RNF19A: variants seen among roughly 807,000 people sequenced by gnomAD.
RNF19A encodes E3 ubiquitin-protein ligase RNF19A.
A neutral mutation model predicts 75.7 loss-of-function variants in RNF19A; 32 were observed. That is an observed-to-expected ratio of 0.42 (90% confidence interval 0.32 to 0.57). RNF19A has a LOEUF of 0.57. Ranked by LOEUF, RNF19A falls within the 20% of genes least tolerant of loss-of-function variation. RNF19A has a pLI of 0.10. For synonymous variants in RNF19A, 335 were observed against 345.2 expected (o/e 0.97, Z 0.33); for missense variants, 782 against 1,036.3 (o/e 0.75, Z 3.37).
Position 100,284,736 on chromosome 8 carries a change from G to A in RNF19A, c.674+2765C>T, listed in dbSNP as rs186804523. Reference sequence around the variant, plus strand: ...AGAAAATGTGCCAAAATATCCCAAAGTATGAGTTTCTGATTATTTTTATTA... The same window carrying A: ...AGAAAATGTGCCAAAATATCCCAAAATATGAGTTTCTGATTATTTTTATTA... On this transcript the variant is annotated intron_variant, in intron 2 of 9. Transcript: ENST00000341084. This position sits in a 1 kb window ranked among gnomAD's most constrained non-coding sequence, Gnocchi z 4.3. 2.6e-5 allele frequency among the ~76,000 whole-genome samples: 4 copies of A among 152,088 alleles called. No individual in the cohort carries two copies. The highest frequency in any genetic ancestry group is 9.6e-5 in the African/African-American group (4 of 41,518).
intron 3 of RNF19A, among the ~76,000 whole-genome samples, chr8:100,273,066 C>T (rs919605037): frequency 5.3e-5 from 8 of 151,736 alleles, no homozygotes; most frequent in African/African-American, 1.7e-4. Flanking sequence ...GGAGTCTCGC[C>T]ACATTGCCTA....
intron 1 of RNF19A, among the ~76,000 whole-genome samples, chr8:100,298,107 G>T (rs1190843560): frequency 6.6e-6 from 1 of 151,528 alleles, no homozygotes. Context: ...TCAGTGAAGG[G>T]TATGGTACAT....
chr8:100,268,063 G>T (rs578111808), intron 5 of RNF19A, among the ~76,000 whole-genome samples: 4 of 151,694 alleles, frequency 2.6e-5, no homozygotes, highest in Non-Finnish European at 5.9e-5. Flanking sequence ...TTTAAAAAAA[G>T]TTTTAATTTT....
chr8:100,313,334 T>G (rs1822328110), upstream of RNF19A: 1 of 983,324 alleles, frequency 1.0e-6, no homozygotes, highest in South Asian at 4.7e-5. Flanking sequence ...GTTTGGTCTC[T>G]CAAACTAACG....
intron 7 of RNF19A, among the ~76,000 whole-genome samples, chr8:100,263,705 T>C (rs531258667): frequency 2.0e-5 from 3 of 152,360 alleles, no homozygotes; most frequent in Admixed American, 2.0e-4. Flanking sequence ...TTTTGTATTA[T>C]TGGTCATCCG....
rs1819850649 is a variant in RNF19A, at chr8:100,264,005, C to T, written c.1468+29G>A. The T allele has an allele frequency of 1.3e-6, 2 of 1,595,908 alleles. No homozygotes were observed. The highest frequency in any genetic ancestry group is 1.7e-6 in the Non-Finnish European group (2 of 1,168,692). On this transcript the variant is annotated intron_variant, in intron 7 of 9. Transcript: ENST00000341084. This position sits in a 1 kb window ranked among gnomAD's most constrained non-coding sequence, Gnocchi z 4.7. ...CCACTACTTACACTGTTAATAAGCA[C>T]ATTTTCTTCCTTTGCTTAAAGGACT... is the stretch of plus-strand genomic sequence containing the variant.
chr8:100,313,187 C>G (rs1822326212), upstream of RNF19A: 2 of 247,398 alleles, frequency 8.1e-6, no homozygotes, highest in Admixed American at 6.5e-5. Flanking sequence ...ATTACAGGCA[C>G]TGAGACTATA....
chr8:100,280,687 T>C (rs898687726), intron 2 of RNF19A, among the ~76,000 whole-genome samples: 5 of 152,262 alleles, frequency 3.3e-5, no homozygotes, highest in African/African-American at 9.6e-5. Flanking sequence ...CTAACACTTA[T>C]TGAGTGCTTC....
At chr8:100,265,307 G>A (rs1819919759) in intron 5 of RNF19A, among the ~76,000 whole-genome samples, 2 of 152,064 alleles carry the variant, frequency 1.3e-5, no homozygotes, top group African/African-American at 4.8e-5. Flanking sequence ...TTTTTATGAA[G>A]ACAATATTGA....
chr8:100,309,309 C>T, intron 1 of RNF19A: 1 of 985,610 alleles, frequency 1.0e-6, no homozygotes, highest in Non-Finnish European at 1.2e-6. Context: ...TTCCTCCGAA[C>T]ACAGCTCCCC....
At position 100,333,920 on chromosome 8, in the gene RNF19A, AG is replaced by A. The variant is rs1822642412; in HGVS notation, c.-243+2187del. ...GCATGATGTTTAAATTATTCAGTCTAGTACCCCGATATTCTAACTTTGGCCC... is the reference window on the plus strand; with the variant it reads ...GCATGATGTTTAAATTATTCAGTCTATACCCCGATATTCTAACTTTGGCCC... On this transcript the variant is annotated intron_variant, in intron 1 of 3. Coordinates refer to the RNF19A transcript ENST00000519527. This position sits in a 1 kb window ranked among gnomAD's most constrained non-coding sequence, Gnocchi z 4.7. Among the ~76,000 whole-genome samples, 1 of 152,234 alleles carries A rather than the reference AG, an allele frequency of 6.6e-6. No individual in the cohort carries two copies. The highest frequency in any genetic ancestry group is 1.5e-5 in the Non-Finnish European group (1 of 68,036).
At chr8:100,266,399 A>G (rs1374585150) in intron 5 of RNF19A, among the ~76,000 whole-genome samples, 3 of 152,246 alleles carry the variant, frequency 2.0e-5, no homozygotes, top group African/African-American at 7.2e-5. Context: ...CATGTGGTAC[A>G]ACAGTCTCTC....
In RNF19A at chr8:100,298,198, T is replaced by TAAAAAAA. The variant is rs35748790; in HGVS notation, c.-93-9938_-93-9932dup. On this transcript the variant is annotated intron_variant, in intron 1 of 9. Coordinates refer to ENST00000341084, the MANE Select transcript of RNF19A (RefSeq NM_183419.4). ...TACCTAAATTTACCATGTATTGGGT[T>TAAAAAAA]AAAAAAAAAAAAAACACTTATTACA... Among the ~76,000 whole-genome samples, 172 of 144,436 alleles carry TAAAAAAA rather than the reference T, an allele frequency of 1.2e-3. 1 individual carries two copies. The highest frequency in any genetic ancestry group is 4.1e-3 in the African/African-American group (161 of 39,172). 94.8% of individuals were successfully genotyped at this position (144,436 alleles called of 152,430 possible). A position where few individuals can be genotyped will look rare whatever the true frequency, so the allele number is the denominator to read the frequency against.
Position 100,331,397 on chromosome 8 carries a change from A to T in RNF19A, c.-243+4711T>A, listed in dbSNP as rs1822608386. On this transcript the variant is annotated intron_variant, in intron 1 of 3. Transcript: ENST00000519527. This position sits in a 1 kb window ranked among gnomAD's most constrained non-coding sequence, Gnocchi z 5.2. ...ATGCCTGTAATCCCAGTACTTTGGGAGGTCAAGGTGGGAGGACTGCTTGAG... is the reference window on the plus strand; with the variant it reads ...ATGCCTGTAATCCCAGTACTTTGGGTGGTCAAGGTGGGAGGACTGCTTGAG... 6.6e-6 allele frequency among the ~76,000 whole-genome samples: 1 copy of T among 152,184 alleles called. No individual in the cohort carries two copies. The highest frequency in any genetic ancestry group is 1.9e-4 in the East Asian group (1 of 5,200).
chr8:100,283,414 T>C (rs1186669076), intron 2 of RNF19A, among the ~76,000 whole-genome samples: 2 of 152,224 alleles, frequency 1.3e-5, no homozygotes, highest in Non-Finnish European at 2.9e-5. Context: ...GATTTTTCTC[T>C]GAACCTGTGA....
intron 1 of RNF19A, among the ~76,000 whole-genome samples, chr8:100,307,341 G>A (rs552120465): frequency 6.6e-6 from 1 of 152,030 alleles, no homozygotes; most frequent in Non-Finnish European, 1.5e-5. Flanking sequence ...CTTGACTAGG[G>A]ACTTTTACAT....
chr8:100,268,633 G>GA (rs1404835197), intron 5 of RNF19A, 152 bp downstream of exon 5: 1 of 389,644 alleles, frequency 2.6e-6, no homozygotes, highest in South Asian at 1.1e-4. Context: ...AAAAATTTAT[G>GA]AAAAAAGAGT....
chr8:100,264,591 A>G lies in RNF19A; in HGVS notation c.1306+80T>C, dbSNP rs1819881932. 2 of 936,532 alleles carry G rather than the reference A, an allele frequency of 2.1e-6. No homozygotes were observed. Among genetic ancestry groups the G allele is most frequent in the Admixed American group, 4.5e-5 (2 of 44,808 alleles). The allele number at this position is 936,532 out of a possible 1,614,324, so 58.0% of individuals were successfully genotyped here. A position where few individuals can be genotyped will look rare whatever the true frequency, so the allele number is the denominator to read the frequency against. ...CAATTTAAATTGTCCTCAAATTAAA[A>G]AACAATTAAAAAAAATCCTTCCACA... On this transcript the variant is annotated intron_variant, in intron 6 of 9. Transcript: ENST00000341084. This position sits in a 1 kb window ranked among gnomAD's most constrained non-coding sequence, Gnocchi z 4.7.
In RNF19A at chr8:100,261,194, A is replaced by G. The variant is rs1173810283; in HGVS notation, c.1682+348T>C. On this transcript the variant is annotated intron_variant, in intron 8 of 9. Coordinates refer to ENST00000341084, the MANE Select transcript of RNF19A (RefSeq NM_183419.4). The surrounding 1 kb of genome is among the most constrained non-coding windows in gnomAD (Gnocchi z 4.4). ...ACTGCAGCCTCCAACTCCCAGGCTC[A>G]AGTGATCCTCCTACCTCAGCCTCCC... Among the ~76,000 whole-genome samples, 1 of 152,040 alleles carries G rather than the reference A, an allele frequency of 6.6e-6. No homozygotes were observed. Among genetic ancestry groups the G allele is most frequent in the Non-Finnish European group, 1.5e-5 (1 of 68,010 alleles).
Sources: gnomAD v4.1 joint callset for allele counts (sites outside exome capture counted in the v4.1 genomes callset) on GRCh38, gnomAD v4.1.1 for gene constraint, Gnocchi (gnomAD v3.1) non-coding constraint, MANE v1.5 for transcripts, NCBI Gene and HGNC (gene_info 2026-07-23, HGNC 2026-07-21) for gene names.